The following FANCI variants were observed in gnomAD, a reference collection of about 807,000 sequenced individuals.
FANCI encodes Fanconi anemia group I protein.
Under a neutral mutation model 176.1 loss-of-function variants are expected in FANCI, and 156 were observed. The observed-to-expected ratio is 0.89, with a 90% CI of 0.78 to 1.01. The LOEUF (loss-of-function observed/expected upper bound fraction) is 1.01, where lower values mean the gene tolerates loss of function less well. FANCI is among the 50% of genes least tolerant of loss of function. The probability of loss-of-function intolerance (pLI) is 0.00; values close to 1 mark genes in which losing one functional copy is unlikely to be tolerated. For synonymous variants in FANCI, 613 were observed against 541.7 expected, an observed-to-expected ratio of 1.13 and a Z score of -1.83; for missense variants, 1,678 against 1,534.1, an observed-to-expected ratio of 1.09 and a Z score of -1.57.
At chr15:89,247,788 C>A (rs1052662448) in intron 2 of FANCI, 57 bp downstream of exon 2, 2 of 1,473,140 alleles carry the variant, frequency 1.4e-6, no homozygotes, top group Non-Finnish European at 1.9e-6. Context: ...ATGACACATT[C>A]AAAGGACATG....
intron 2 of FANCI, among the ~76,000 whole-genome samples, chr15:89,258,089 G>A (rs2052572995): frequency 2.6e-5 from 4 of 151,194 alleles, no homozygotes; most frequent in Admixed American, 2.6e-4. Flanking sequence ...TTTTAAGCAA[G>A]GCTTTGGCCT....
At chr15:89,264,163 T>G in intron 8 of FANCI, 137 bp downstream of exon 8, 1 of 960,402 alleles carries the variant, frequency 1.0e-6, no homozygotes, top group East Asian at 2.4e-5. Flanking sequence ...TGAGCAAACA[T>G]AGCCGAACAT....
rs1198815779 is a variant in FANCI, at chr15:89,299,799, G to C, written c.2637-1G>C. Reference sequence around the variant, plus strand: ...AACAATACCACTTTCTCCTGCTTCAGAGTCTTGCTATGGAGATACACTTCA... The same window carrying C: ...AACAATACCACTTTCTCCTGCTTCACAGTCTTGCTATGGAGATACACTTCA... On this transcript the variant is annotated splice_acceptor_variant, in intron 24 of 37. Transcript: ENST00000310775. LOFTEE classifies it high-confidence loss of function. The C allele has an allele frequency of 6.2e-7, 1 of 1,613,256 alleles. No individual in the cohort carries two copies. The highest frequency in any genetic ancestry group is 8.5e-7 in the Non-Finnish European group (1 of 1,179,712).
chr15:89,261,139 C>A (rs1031320203), intron 4 of FANCI, among the ~76,000 whole-genome samples: 1 of 152,004 alleles, frequency 6.6e-6, no homozygotes, highest in Non-Finnish European at 1.5e-5. Context: ...GGGCTCGTGG[C>A]GCATGTCAGT....
At chr15:89,295,732 G>GCCCCCC (rs150758657) in intron 24 of FANCI, among the ~76,000 whole-genome samples, 9 of 114,456 alleles carry the variant, frequency 7.9e-5, no homozygotes, top group African/African-American at 1.3e-4. Context: ...TTCCCCTGGC[G>GCCCCCC]CCCCCCCCAC....
chr15:89,263,540 A>T (rs2052807407), intron 7 of FANCI, 80 bp downstream of exon 7: 2 of 1,158,806 alleles, frequency 1.7e-6, no homozygotes, highest in Non-Finnish European at 2.6e-6. Context: ...TAGCAAACGT[A>T]AACATCACTC....
chr15:89,314,648 C>T lies in FANCI; in HGVS notation c.3757C>T (p.Leu1253Phe). The T allele has an allele frequency of 6.2e-7, 1 of 1,614,194 alleles. No homozygotes were observed. The highest frequency in any genetic ancestry group is 8.5e-7 in the Non-Finnish European group (1 of 1,180,016). The change falls in exon 36 of 38, where the codon CTC becomes TTC. Residue 1253 changes from leucine (L) to phenylalanine (F), a missense_variant. Transcript: ENST00000310775. ...VLRETKPIPN[L>F]IFAIEQYEKF... Reference sequence around the variant, plus strand: ...TCGGGAAACCAAGCCAATCCCTAACCTCATCTTTGCCATAGAACAGTATGA... The same window carrying T: ...TCGGGAAACCAAGCCAATCCCTAACTTCATCTTTGCCATAGAACAGTATGA...
intron 10 of FANCI, among the ~76,000 whole-genome samples, chr15:89,270,493 A>T (rs2053159239): frequency 6.6e-6 from 1 of 152,240 alleles, no homozygotes; most frequent in Middle Eastern, 3.4e-3. Flanking sequence ...TATACCAGGA[A>T]TTCAAATTTT....
At chr15:89,250,058 C>A (rs1487757665) in intron 2 of FANCI, among the ~76,000 whole-genome samples, 1 of 152,140 alleles carries the variant, frequency 6.6e-6, no homozygotes, top group Non-Finnish European at 1.5e-5. Flanking sequence ...AAAACCGAAA[C>A]TAAAAGTCAA....
At chr15:89,260,577 G>A (rs1462100593) in intron 3 of FANCI, 136 bp from the exon 4 acceptor site, 10 of 1,131,824 alleles carry the variant, frequency 8.8e-6, no homozygotes, top group Non-Finnish European at 1.3e-5. Flanking sequence ...CTTAACCATT[G>A]CTGTTCTAAG....
intron 11 of FANCI, 131 bp downstream of exon 11, chr15:89,273,600 A>G (rs2053291328): frequency 1.5e-6 from 1 of 660,668 alleles, no homozygotes; most frequent in Non-Finnish European, 2.7e-6. Flanking sequence ...GCCAGCAGCA[A>G]AGCTGCAATA....
chr15:89,305,815 G>C (rs966881866), intron 31 of FANCI, 117 bp downstream of exon 31: 16 of 1,197,300 alleles, frequency 1.3e-5, no homozygotes, highest in Non-Finnish European at 1.8e-5. Context: ...CTTTAAGCTA[G>C]ATTTTTTCCT....
chr15:89,290,335 C>G (rs534502418), intron 19 of FANCI, 54 bp downstream of exon 19: 2 of 1,351,298 alleles, frequency 1.5e-6, no homozygotes, highest in East Asian at 4.6e-5. Context: ...GATCGAGAGA[C>G]AGTTGATGGT....
chr15:89,296,520 C>T lies in FANCI; in HGVS notation c.2636+1426C>T, dbSNP rs189727093. ...GAGCACGGGGTTGCGGGTAAGGTCACAGATCAACAGGATCCCAAGGCAGAA... is the reference window on the plus strand; with the variant it reads ...GAGCACGGGGTTGCGGGTAAGGTCATAGATCAACAGGATCCCAAGGCAGAA... On this transcript the variant is annotated intron_variant, in intron 24 of 37. Coordinates refer to ENST00000310775, the MANE Select transcript of FANCI (RefSeq NM_001113378.2). 2.6e-3 allele frequency among the ~76,000 whole-genome samples: 402 copies of T among 152,272 alleles called. 8 individuals are homozygous for T. Among genetic ancestry groups the T allele is most frequent in the East Asian group, 0.014 (75 of 5,180 alleles).
At chr15:89,269,695 C>T (rs149939765) in intron 10 of FANCI, among the ~76,000 whole-genome samples, 28 of 152,310 alleles carry the variant, frequency 1.8e-4, no homozygotes, top group African/African-American at 6.7e-4. Flanking sequence ...TTTACGGTTC[C>T]AGCAAGAAGG....
chr15:89,285,407 CA>C (rs1190436103), intron 18 of FANCI, among the ~76,000 whole-genome samples, 189 bp downstream of exon 18: 3 of 152,182 alleles, frequency 2.0e-5, no homozygotes, highest in Non-Finnish European at 2.9e-5. Flanking sequence ...GTAATCCCAA[CA>C]CCTTGTGAGG....
In FANCI at chr15:89,316,538, T is replaced by C. The variant is rs1031175569; in HGVS notation, c.*79T>C. The C allele has an allele frequency of 5.7e-6, 8 of 1,404,346 alleles. No individual in the cohort carries two copies. In the African/African-American group the frequency reaches 1.0e-4, roughly 18 times the overall value. The allele number at this position is 1,404,346 out of a possible 1,614,324, so 87.0% of individuals were successfully genotyped here. On this transcript the variant is annotated 3_prime_UTR_variant, in exon 38 of 38. Transcript: ENST00000310775. ...ACAAGCAACAATGCCCCTTGTCCTG[T>C]AGTCCACACCGATGTTGGCATCTTG...
At chr15:89,300,458 T>A (rs2054486097) in intron 26 of FANCI, 73 bp downstream of exon 26, 5 of 1,349,090 alleles carry the variant, frequency 3.7e-6, no homozygotes, top group Non-Finnish European at 5.3e-6. Context: ...GGGCAGCTGG[T>A]AAGAATGGGC....
Position 89,293,026 on chromosome 15 carries a change from G to A in FANCI, c.2254G>A (p.Val752Ile). Residue 752 changes from valine to isoleucine, a missense_variant, in exon 22 of 38, where the codon GTT (valine) becomes ATT (isoleucine). Around this residue, in one of 3 missense-constraint regions of FANCI, gnomAD observed 1,204 missense variants for 1,077.4 expected, o/e 1.12. Transcript: ENST00000310775. The part of the protein sequence containing the change: ...CAFLVMGVCE[V>I]LIEYNFSISS... ...TTTTCTTGTGATGGGAGTTTGTGAG[G>A]TTTTAATAGAATACAATTTCTCCAT... 4 of 1,613,918 alleles carry A rather than the reference G, an allele frequency of 2.5e-6. No individual in the cohort carries two copies. The highest frequency in any genetic ancestry group is 1.1e-5 in the South Asian group (1 of 91,076).
Sources: gnomAD v4.1 joint callset for allele counts (sites outside exome capture counted in the v4.1 genomes callset) on GRCh38, gnomAD v4.1.1 for gene constraint, gnomAD v4.1.1 regional missense constraint, MANE v1.5 for transcripts, NCBI Gene and HGNC (gene_info 2026-07-23, HGNC 2026-07-21) for gene names.